SLC35A5: variants seen among roughly 807,000 people sequenced by gnomAD.
SLC35A5 encodes the protein solute carrier family 35 member A5, also known as UDP-sugar transporter protein SLC35A5.
A neutral mutation model predicts 36.3 loss-of-function variants in SLC35A5; 28 were observed. The observed-to-expected ratio is 0.77, with a 90% CI of 0.57 to 1.06. The LOEUF (loss-of-function observed/expected upper bound fraction) is 1.06, where lower values mean the gene tolerates loss of function less well. Among genes scored for constraint, SLC35A5 ranks in the 50% least tolerant of loss-of-function variants. The probability of loss-of-function intolerance (pLI) is 0.00; values close to 1 mark genes in which losing one functional copy is unlikely to be tolerated. For synonymous variants in SLC35A5, 180 were observed against 173.7 expected, an observed-to-expected ratio of 1.04 and a Z score of -0.29; for missense variants, 521 against 499.3, an observed-to-expected ratio of 1.04 and a Z score of -0.41.
At chr3:112,569,357 A>C in intron 3 of SLC35A5, 88 bp downstream of exon 3, 2 of 1,007,540 alleles carry the variant, frequency 2.0e-6, no homozygotes, top group South Asian at 2.9e-5. Context: ...CATTTAGCTT[A>C]GTCCATTAAA....
chr3:112,582,129 A>G (rs1398372056), intron 6 of SLC35A5, among the ~76,000 whole-genome samples: 2 of 152,198 alleles, frequency 1.3e-5, no homozygotes, highest in South Asian at 2.1e-4. Context: ...AATATTTTAT[A>G]CAGTGAACAT....
chr3:112,570,761 G>A, intron 4 of SLC35A5, 91 bp downstream of exon 4: 2 of 1,299,620 alleles, frequency 1.5e-6, no homozygotes, highest in Non-Finnish European at 2.1e-6. Flanking sequence ...TGTTGGCATT[G>A]TTAGTTTCTC....
chr3:112,573,510 G>A (rs1390924662), intron 4 of SLC35A5, among the ~76,000 whole-genome samples: 1 of 152,122 alleles, frequency 6.6e-6, no homozygotes, highest in Admixed American at 6.6e-5. Flanking sequence ...ATATTAATGG[G>A]CCATACAGTA....
In SLC35A5 at chr3:112,581,054, A is replaced by G; in HGVS notation, c.937A>G (p.Thr313Ala). The change falls in exon 6 of 7, where the codon ACT (threonine) becomes GCT (alanine). Residue 313 changes from threonine to alanine, a missense_variant. Coordinates refer to ENST00000492406, the MANE Select transcript of SLC35A5 (RefSeq NM_017945.5). ...ATTTTCAGTAGCCCTTATTTTTGTA[A>G]CTGCATTCCAGGGCCTTTCAGTGGC... ...SAFSVALIFV[T>A]AFQGLSVAFI... The G allele has an allele frequency of 6.2e-7, 1 of 1,613,960 alleles. No homozygotes were observed. Among genetic ancestry groups the G allele is most frequent in the Non-Finnish European group, 8.5e-7 (1 of 1,179,932 alleles).
In SLC35A5 at chr3:112,581,156, T is replaced by G. The variant is rs766454320; in HGVS notation, c.1039T>G (p.Ser347Ala). ...TACCACTGTCATTATCACAACAGTG[T>G]CTGTCCTGGTCTTTGACTTCAGGCC... ...QVTTVIITTV[S>A]VLVFDFRPSL... The change falls in exon 6 of 7, where the codon TCT becomes GCT. Residue 347 changes from serine to alanine, a missense_variant. Coordinates refer to ENST00000492406, the MANE Select transcript of SLC35A5 (RefSeq NM_017945.5). The G allele has an allele frequency of 1.9e-6, 3 of 1,613,946 alleles. No homozygotes were observed. The African/African-American group carries it at 4.0e-5, about 22-fold the overall frequency.
chr3:112,573,539 G>A (rs1329326107), intron 4 of SLC35A5, among the ~76,000 whole-genome samples: 5 of 152,262 alleles, frequency 3.3e-5, no homozygotes, highest in Non-Finnish European at 4.4e-5. Flanking sequence ...CTATGTGACC[G>A]TAGAAACAGT....
At chr3:112,574,276 C>T (rs1326510068) in intron 5 of SLC35A5, among the ~76,000 whole-genome samples, 2 of 152,120 alleles carry the variant, frequency 1.3e-5, no homozygotes, top group Non-Finnish European at 2.9e-5. Flanking sequence ...AATCTTTCTG[C>T]ACTAATAGGG....
At chr3:112,568,596 C>T (rs1934301556) in intron 2 of SLC35A5, among the ~76,000 whole-genome samples, 1 of 152,204 alleles carries the variant, frequency 6.6e-6, no homozygotes, top group South Asian at 2.1e-4. Flanking sequence ...AGCCCTAGGC[C>T]AGTTGCCTCT....
intron 2 of SLC35A5, among the ~76,000 whole-genome samples, chr3:112,566,906 G>A (rs1934219982): frequency 6.6e-6 from 1 of 152,152 alleles, no homozygotes; most frequent in Non-Finnish European, 1.5e-5. Flanking sequence ...TAGGCCAAGG[G>A]CAGTAAGCCA....
At chr3:112,576,016 T>C (rs538704748) in intron 5 of SLC35A5, among the ~76,000 whole-genome samples, 235 of 152,220 alleles carry the variant, frequency 1.5e-3, no homozygotes, top group African/African-American at 5.1e-3. Flanking sequence ...CACCTTGGCC[T>C]CCCAAAGTGC....
At chr3:112,581,400 A>T in intron 6 of SLC35A5, 74 bp downstream of exon 6, 1 of 1,420,450 alleles carries the variant, frequency 7.0e-7, no homozygotes, top group Non-Finnish European at 9.5e-7. Context: ...GGAAAAAAAT[A>T]AAATCAGTAC....
chr3:112,571,610 G>A (rs1283099302), intron 4 of SLC35A5, among the ~76,000 whole-genome samples: 3 of 152,178 alleles, frequency 2.0e-5, no homozygotes, highest in Non-Finnish European at 4.4e-5. Context: ...AGGTTTAATG[G>A]ACGCACAGTT....
intron 5 of SLC35A5, among the ~76,000 whole-genome samples, chr3:112,575,953 T>C (rs2107439309): frequency 6.6e-6 from 1 of 151,758 alleles, no homozygotes; most frequent in African/African-American, 2.4e-5. Context: ...AGAGACAGAG[T>C]TTCACCATTT....
Position 112,585,000 on chromosome 3 carries a change from A to G in SLC35A5, c.*2264A>G, listed in dbSNP as rs1283786684. 1 of 152,196 alleles carries G rather than the reference A, an allele frequency of 6.6e-6. No homozygotes were observed. The highest frequency in any genetic ancestry group is 1.5e-5 in the Non-Finnish European group (1 of 68,056). The allele number at this position is 152,196 out of a possible 1,614,324, so 9.4% of individuals were successfully genotyped here. On this transcript the variant is annotated 3_prime_UTR_variant, in exon 7 of 7. Transcript: ENST00000492406. Reference sequence around the variant, plus strand: ...GGAGCTAAACAGTGGGTACATGTGGACACAGGATTCCAAAGTGAGAAGGGT... The same window carrying G: ...GGAGCTAAACAGTGGGTACATGTGGGCACAGGATTCCAAAGTGAGAAGGGT...
At chr3:112,572,254 T>A (rs963357729) in intron 4 of SLC35A5, among the ~76,000 whole-genome samples, 27 of 152,012 alleles carry the variant, frequency 1.8e-4, no homozygotes, top group African/African-American at 6.3e-4. Context: ...CTTTCCACAG[T>A]TTAGAAGCTG....
intron 2 of SLC35A5, among the ~76,000 whole-genome samples, chr3:112,567,928 CAG>C (rs1444552335): frequency 5.9e-5 from 9 of 152,294 alleles, no homozygotes; most frequent in East Asian, 1.9e-4. Context: ...TGGAGGATAA[CAG>C]AGTGTGAGTT....
In SLC35A5 at chr3:112,581,139, T is replaced by G; in HGVS notation, c.1022T>G (p.Val341Gly). The stretch of plus-strand genomic sequence containing the variant: ...GTCTTGATGGCCCAGGTTACCACTG[T>G]CATTATCACAACAGTGTCTGTCCTG... ...FHVLMAQVTTVIITTVSVLVF... is the reference protein window; with the variant it reads ...FHVLMAQVTTGIITTVSVLVF... Residue 341 changes from valine (V) to glycine (G), a missense_variant, in exon 6 of 7, where the codon GTC (valine) becomes GGC (glycine). Coordinates refer to ENST00000492406, the MANE Select transcript of SLC35A5 (RefSeq NM_017945.5). The G allele has an allele frequency of 1.2e-6, 2 of 1,614,054 alleles. No homozygotes were observed. The highest frequency in any genetic ancestry group is 1.7e-6 in the Non-Finnish European group (2 of 1,179,958).
chr3:112,568,083 T>C (rs1559856888), intron 2 of SLC35A5, among the ~76,000 whole-genome samples: 1 of 152,238 alleles, frequency 6.6e-6, no homozygotes, highest in Non-Finnish European at 1.5e-5. Context: ...GTGACAAACA[T>C]GGTCCATTTC....
At chr3:112,570,411 C>T in intron 3 of SLC35A5, 129 bp from the exon 4 acceptor site, 2 of 976,706 alleles carry the variant, frequency 2.0e-6, no homozygotes, top group South Asian at 3.6e-5. Context: ...TGAAGAGAGA[C>T]AGTAATGAAA....
Sources: gnomAD v4.1 joint callset for allele counts (sites outside exome capture counted in the v4.1 genomes callset) on GRCh38, gnomAD v4.1.1 for gene constraint, MANE v1.5 for transcripts, NCBI Gene and HGNC (gene_info 2026-07-23, HGNC 2026-07-21) for gene names.